The following PRKACB variants were observed in gnomAD, a reference collection of about 807,000 sequenced individuals.
PRKACB encodes the protein protein kinase cAMP-activated catalytic subunit beta.
PRKACB carries 16 observed loss-of-function variants against 51.4 expected under a neutral mutation model. The observed-to-expected ratio is 0.31, with a 90% CI of 0.21 to 0.47. The LOEUF is 0.47. Ranked by LOEUF, PRKACB falls within the 20% of genes least tolerant of loss-of-function variation. PRKACB has a pLI of 1.00. For missense variants in PRKACB, 309 were observed against 464.5 expected (o/e 0.67, Z 3.08); for synonymous variants, 147 against 154.4 (o/e 0.95, Z 0.35).
intron 1 of PRKACB, among the ~76,000 whole-genome samples, chr1:84,115,200 A>C (rs575069368): frequency 1.8e-4 from 27 of 147,956 alleles, no homozygotes; most frequent in African/African-American, 6.7e-4. Flanking sequence ...AATATCTGCT[A>C]CTTTTTTTTT....
upstream of PRKACB, among the ~76,000 whole-genome samples, chr1:84,143,962 G>T (rs1172305316): frequency 6.6e-6 from 1 of 152,010 alleles, no homozygotes; most frequent in African/African-American, 2.4e-5. Flanking sequence ...AGCATGTTGT[G>T]TTTGGAGGAC....
At chr1:84,177,931 G>C (rs1196303849) in intron 1 of PRKACB, among the ~76,000 whole-genome samples, 1 of 151,768 alleles carries the variant, frequency 6.6e-6, no homozygotes, top group Admixed American at 6.6e-5. Context: ...TCTAAAAAAG[G>C]CATTCTGAGA....
chr1:84,078,296 C>T, exon 1 of PRKACB: 5 of 1,598,650 alleles, frequency 3.1e-6, no homozygotes, highest in Non-Finnish European at 4.3e-6. Context: ...CCCTTCCCTT[C>T]CCTGACCCCT....
At position 84,114,409 on chromosome 1, in the gene PRKACB, A is replaced by G. The variant is rs575636874; in HGVS notation, c.46+36038A>G. ...TGGTTGTTTCTAAGGGCAGAGAAGG[A>G]GAATCAGGATGTGGATAGTAATCAG... On this transcript the variant is annotated intron_variant, in intron 1 of 8. Transcript: ENST00000370688. Among the ~76,000 whole-genome samples the G allele has an allele frequency of 3.3e-5, 5 of 152,292 alleles. No individual in the cohort carries two copies. In the South Asian group the frequency reaches 1.0e-3, roughly 32 times the overall value.
At chr1:84,204,625 A>G in intron 8 of PRKACB, 3 of 1,219,392 alleles carry the variant, frequency 2.5e-6, no homozygotes, top group Non-Finnish European at 3.2e-6. Context: ...ATACATTAAA[A>G]TCACAAATGG....
At chr1:84,078,394 G>T (rs1647249541) in intron 1 of PRKACB, 2 of 1,607,948 alleles carry the variant, frequency 1.2e-6, no homozygotes. Context: ...CCGGGTCTGG[G>T]TATCCGCTGG....
At chr1:84,150,302 TAAAG>T (rs891572444) in intron 1 of PRKACB, among the ~76,000 whole-genome samples, 16 of 151,972 alleles carry the variant, frequency 1.1e-4, no homozygotes, top group Admixed American at 7.9e-4. Context: ...TAAAATAAAA[TAAAG>T]AAAACACATT....
At chr1:84,126,274 A>G (rs1319079959) in intron 1 of PRKACB, among the ~76,000 whole-genome samples, 2 of 152,288 alleles carry the variant, frequency 1.3e-5, no homozygotes, top group South Asian at 2.1e-4. Context: ...GAATAAGGTC[A>G]TATGAATGAA....
intron 1 of PRKACB, among the ~76,000 whole-genome samples, chr1:84,087,604 C>T (rs1215928467): frequency 6.6e-6 from 1 of 151,608 alleles, no homozygotes; most frequent in Non-Finnish European, 1.5e-5. Context: ...ACTGTGTTGC[C>T]CAGGCTGGAC....
At chr1:84,198,903 C>T (rs915095632) in intron 7 of PRKACB, among the ~76,000 whole-genome samples, 3 of 145,008 alleles carry the variant, frequency 2.1e-5, no homozygotes, top group Admixed American at 6.9e-5. Context: ...TATATATATA[C>T]ACATATGTGT....
Position 84,184,152 on chromosome 1 carries a change from T to C in PRKACB, c.477+17T>C, listed in dbSNP as rs1295941028. The C allele has an allele frequency of 6.3e-7, 1 of 1,576,736 alleles. No homozygotes were observed. Among genetic ancestry groups the C allele is most frequent in the African/African-American group, 1.4e-5 (1 of 73,004 alleles). On this transcript the variant is annotated intron_variant, in intron 4 of 9. Coordinates refer to ENST00000370685, the MANE Select transcript of PRKACB (RefSeq NM_182948.4). Reference sequence around the variant, plus strand: ...GCTTTTAAGGTAAATTTTAGTAATATCTAAATAAGATATTTTCAACCTAAA... The same window carrying C: ...GCTTTTAAGGTAAATTTTAGTAATACCTAAATAAGATATTTTCAACCTAAA...
At chr1:84,130,618 G>A (rs1053611094) in intron 1 of PRKACB, among the ~76,000 whole-genome samples, 8 of 152,148 alleles carry the variant, frequency 5.3e-5, no homozygotes, top group Non-Finnish European at 2.9e-5. Context: ...AATTGAATAT[G>A]TAATGGCTGA....
intron 1 of PRKACB, among the ~76,000 whole-genome samples, chr1:84,087,225 C>T (rs917710403): frequency 1.3e-5 from 2 of 152,212 alleles, no homozygotes; most frequent in African/African-American, 4.8e-5. Flanking sequence ...TGTGAATAAA[C>T]TGTATATATA....
chr1:84,180,565 T>C (rs963938515), intron 2 of PRKACB, among the ~76,000 whole-genome samples: 4 of 151,860 alleles, frequency 2.6e-5, no homozygotes, highest in South Asian at 4.2e-4. Flanking sequence ...CAATAACTTA[T>C]GGAAAATAAA....
intron 8 of PRKACB, among the ~76,000 whole-genome samples, chr1:84,208,189 A>G: frequency 6.6e-6 from 1 of 152,218 alleles, no homozygotes; most frequent in Middle Eastern, 3.2e-3. Context: ...ATCACTCAGT[A>G]TGGATACCAT....
At chr1:84,078,385 C>G (rs766857339) in intron 1 of PRKACB, 27 of 1,610,132 alleles carry the variant, frequency 1.7e-5, no homozygotes, top group Middle Eastern at 3.3e-4. Flanking sequence ...AGTTGAAGGC[C>G]GGGTCTGGGT....
intron 1 of PRKACB, among the ~76,000 whole-genome samples, chr1:84,138,716 A>G (rs552177359): frequency 6.6e-6 from 1 of 152,346 alleles, no homozygotes; most frequent in East Asian, 1.9e-4. Context: ...AAATCATGCA[A>G]AGATGGCACA....
At chr1:84,170,302 T>A (rs145250832) in intron 1 of PRKACB, among the ~76,000 whole-genome samples, 5 of 151,708 alleles carry the variant, frequency 3.3e-5, no homozygotes, top group Non-Finnish European at 5.9e-5. Context: ...AGTGAAAGCA[T>A]AGATGAGAAA....
chr1:84,198,902 A>G (rs990704807), intron 7 of PRKACB, among the ~76,000 whole-genome samples: 8 of 147,386 alleles, frequency 5.4e-5, no homozygotes, highest in Non-Finnish European at 9.0e-5. Flanking sequence ...GTATATATAT[A>G]CACATATGTG....
Sources: allele counts gnomAD v4.1 joint callset (sites outside exome capture counted in the v4.1 genomes callset), GRCh38; gene constraint gnomAD v4.1.1; transcripts MANE v1.5; gene names NCBI Gene and HGNC (gene_info 2026-07-23, HGNC 2026-07-21).